Variants in ATL2 observed in about 807,000 individuals in gnomAD.
ATL2 encodes the protein atlastin-2.
In ATL2, 31 loss-of-function variants were observed where a neutral mutation model predicts 73.9. That is an observed-to-expected ratio of 0.42 (90% confidence interval 0.32 to 0.57). ATL2 has a LOEUF of 0.57. Ranked by LOEUF, ATL2 falls within the 20% of genes least tolerant of loss-of-function variation. ATL2 has a pLI of 0.14. For missense variants in ATL2, 738 were observed against 702.6 expected (o/e 1.05, Z -0.57); for synonymous variants, 291 against 237.5 (o/e 1.23, Z -2.07).
chr2:38,378,105 T>C (rs1394376767), upstream of ATL2, among the ~76,000 whole-genome samples: 1 of 152,204 alleles, frequency 6.6e-6, no homozygotes, highest in East Asian at 1.9e-4. Context: ...AGTCAGCCCG[T>C]GGAGGCGTCT....
rs182161400 is a variant in ATL2 at position 38,372,336 on chromosome 2, G to C, written c.118+4807C>G. 2.9e-3 allele frequency among the ~76,000 whole-genome samples: 440 copies of C among 152,176 alleles called. 2 individuals are homozygous for C. The highest frequency in any genetic ancestry group is 0.01 in the African/African-American group (423 of 41,500). On this transcript the variant is annotated intron_variant, in intron 1 of 12. Transcript: ENST00000378954. ...ATTTTTTCTTGTCATTATTCCCCAA[G>C]CATACAGTATAACAATGATTTACAT...
intron 1 of ATL2, among the ~76,000 whole-genome samples, chr2:38,355,081 C>T (rs1168334029): frequency 7.1e-6 from 1 of 141,576 alleles, no homozygotes; most frequent in Non-Finnish European, 1.6e-5. Flanking sequence ...CCAATAAAAA[C>T]GCAGAGACTG....
At chr2:38,346,695 A>C (rs541070347) in intron 1 of ATL2, among the ~76,000 whole-genome samples, 49 of 152,176 alleles carry the variant, frequency 3.2e-4, no homozygotes, top group Non-Finnish European at 6.6e-4. Context: ...TGATGTCACC[A>C]TGGGTCTGAC....
chr2:38,337,079 T>A (rs973725653), intron 2 of ATL2, among the ~76,000 whole-genome samples: 3 of 151,758 alleles, frequency 2.0e-5, no homozygotes, highest in African/African-American at 7.3e-5. Flanking sequence ...CTTCAACAAA[T>A]AAATTGCCAA....
chr2:38,331,217 G>C (rs535285353), intron 2 of ATL2, among the ~76,000 whole-genome samples: 3 of 151,880 alleles, frequency 2.0e-5, no homozygotes, highest in African/African-American at 7.3e-5. Flanking sequence ...GGCGGATCAC[G>C]AGGTCAAGAG....
At position 38,294,019 on chromosome 2, in the gene ATL2, TC is replaced by T. The variant is rs564083817; in HGVS notation, c.*1974del. Among the ~76,000 whole-genome samples the T allele has an allele frequency of 5.3e-4, 81 of 152,330 alleles. No homozygotes were observed. Among genetic ancestry groups the T allele is most frequent in the Non-Finnish European group, 1.1e-3 (73 of 68,014 alleles). On this transcript the variant is annotated 3_prime_UTR_variant, in exon 13 of 13. Transcript: ENST00000378954. ...TGCTATTATACAACAAATTATTTTT[TC>T]ATTCATAAAAAACAGTCCACAGCAT...
At chr2:38,357,888 T>G (rs73931210) in intron 1 of ATL2, among the ~76,000 whole-genome samples, 1 of 152,024 alleles carries the variant, frequency 6.6e-6, no homozygotes, top group African/African-American at 2.4e-5. Flanking sequence ...TGCAGCCCAA[T>G]TTACTCATTT....
At chr2:38,339,170 T>G (rs1041295287) in intron 2 of ATL2, among the ~76,000 whole-genome samples, 8 of 152,034 alleles carry the variant, frequency 5.3e-5, no homozygotes, top group African/African-American at 1.9e-4. Flanking sequence ...GAGCCGAGAC[T>G]GCGCTACTGC....
intron 1 of ATL2, among the ~76,000 whole-genome samples, chr2:38,367,997 CA>C (rs1327431761): frequency 6.7e-6 from 1 of 150,314 alleles, no homozygotes; most frequent in Admixed American, 6.6e-5. Context: ...TGCAGTGGCG[CA>C]ATCTCGGCTC....
chr2:38,318,675 A>C (rs1354874077), intron 3 of ATL2, 36 bp from the exon 4 acceptor site: 1 of 1,507,848 alleles, frequency 6.6e-7, no homozygotes, highest in South Asian at 1.2e-5. Context: ...TTAGTAAAAC[A>C]GTTGCCAAAA....
intron 1 of ATL2, chr2:38,354,037 C>G (rs1558443609): frequency 3.4e-6 from 1 of 292,700 alleles, no homozygotes; most frequent in Non-Finnish European, 6.8e-6. Flanking sequence ...TATGAAAATA[C>G]AAAAAATTAG....
intron 1 of ATL2, among the ~76,000 whole-genome samples, chr2:38,353,705 T>C (rs894320300): frequency 3.3e-5 from 5 of 152,224 alleles, no homozygotes; most frequent in Non-Finnish European, 7.4e-5. Context: ...TATTGTATAG[T>C]TATGTAATAA....
Position 38,335,070 on chromosome 2 carries a change from T to C in ATL2, c.363+8198A>G, listed in dbSNP as rs781322062. Among the ~76,000 whole-genome samples, 10 of 150,904 alleles carry C rather than the reference T, an allele frequency of 6.6e-5. No homozygotes were observed. In the South Asian group the frequency reaches 1.0e-3, roughly 16 times the overall value. Reference sequence around the variant, plus strand: ...TAAATCAACAAAATACACATCAGAATAGCTAACATTAAAAAGATTGACAAT... The same window carrying C: ...TAAATCAACAAAATACACATCAGAACAGCTAACATTAAAAAGATTGACAAT... On this transcript the variant is annotated intron_variant, in intron 2 of 12. Coordinates refer to ENST00000378954, the MANE Select transcript of ATL2 (RefSeq NM_001135673.4).
intron 1 of ATL2, among the ~76,000 whole-genome samples, chr2:38,370,318 G>T (rs867475010): frequency 6.6e-6 from 1 of 151,090 alleles, no homozygotes. Context: ...GCACGGTGGC[G>T]GGCACCTGTA....
At position 38,294,049 on chromosome 2, in the gene ATL2, T is replaced by C. The variant is rs777980099; in HGVS notation, c.*1945A>G. On this transcript the variant is annotated 3_prime_UTR_variant, in exon 13 of 13. Coordinates refer to ENST00000378954, the MANE Select transcript of ATL2 (RefSeq NM_001135673.4). Reference sequence around the variant, plus strand: ...CATAAAAAACAGTCCACAGCATTCATAAAACAGGGTGGCAGAAGAAATAAA... The same window carrying C: ...CATAAAAAACAGTCCACAGCATTCACAAAACAGGGTGGCAGAAGAAATAAA... 6.6e-6 allele frequency among the ~76,000 whole-genome samples: 1 copy of C among 152,190 alleles called. No homozygotes were observed.
chr2:38,315,879 G>A (rs1382349817), intron 4 of ATL2, among the ~76,000 whole-genome samples: 1 of 152,120 alleles, frequency 6.6e-6, no homozygotes, highest in Non-Finnish European at 1.5e-5. Context: ...CACTCAACAT[G>A]ACAATTTTAC....
chr2:38,365,682 G>GT (rs61128285), intron 1 of ATL2, among the ~76,000 whole-genome samples: 3 of 121,900 alleles, frequency 2.5e-5, no homozygotes, highest in Non-Finnish European at 4.5e-5. Context: ...TCCCTTGGGA[G>GT]TAGCTACTTG....
At chr2:38,344,719 AT>A (rs1339308422) in intron 1 of ATL2, among the ~76,000 whole-genome samples, 1 of 152,206 alleles carries the variant, frequency 6.6e-6, no homozygotes. Context: ...TGAGTCCCTA[AT>A]TTAATAACAG....
chr2:38,299,423 A>C, intron 10 of ATL2, 96 bp from the exon 11 acceptor site: 1 of 1,227,420 alleles, frequency 8.1e-7, no homozygotes, highest in Non-Finnish European at 1.1e-6. Flanking sequence ...AACAAGTCTG[A>C]AAATGAACCA....
Sources: gnomAD v4.1 joint callset for allele counts (sites outside exome capture counted in the v4.1 genomes callset) on GRCh38, gnomAD v4.1.1 for gene constraint, MANE v1.5 for transcripts, NCBI Gene and HGNC (gene_info 2026-07-23, HGNC 2026-07-21) for gene names.